Variants in NPL observed in about 807,000 individuals in gnomAD.
NPL encodes the protein N-acetylneuraminate lyase.
NPL carries 32 observed loss-of-function variants against 41.1 expected under a neutral mutation model. The ratio of observed to expected loss-of-function variants is 0.78; its 90% CI spans 0.59 to 1.05. NPL has a LOEUF of 1.05. NPL is among the 50% of genes least tolerant of loss of function. The pLI is 0.00. For synonymous variants in NPL, 128 were observed against 134.9 expected (o/e 0.95, Z 0.35); for missense variants, 321 against 378.4 (o/e 0.85, Z 1.26).
Position 182,799,777 on chromosome 1 carries a change from C to T in NPL, c.69-3921C>T, listed in dbSNP as rs1407972757. On this transcript the variant is annotated intron_variant, in intron 3 of 12. Coordinates refer to ENST00000367553, the MANE Select transcript of NPL (RefSeq NM_030769.3). ...AAGCCCCAAGGCATGAATCTAAACC[C>T]AACGCAAAGAATCTGAATCCCCAGG... Among the ~76,000 whole-genome samples the T allele has an allele frequency of 3.4e-5, 5 of 148,918 alleles. No individual in the cohort carries two copies. In the South Asian group the frequency reaches 6.4e-4, roughly 19 times the overall value.
chr1:182,802,281 C>G (rs1358030104), intron 3 of NPL, among the ~76,000 whole-genome samples: 1 of 152,234 alleles, frequency 6.6e-6, no homozygotes, highest in Non-Finnish European at 1.5e-5. Context: ...CACCTTTTCC[C>G]AAGTGGCAGG....
chr1:182,802,952 G>T (rs545830524), intron 3 of NPL, among the ~76,000 whole-genome samples: 1 of 152,332 alleles, frequency 6.6e-6, no homozygotes, highest in East Asian at 1.9e-4. Flanking sequence ...TGATGCTGCT[G>T]TTCCGCCTTT....
chr1:182,812,475 T>C (rs752696550), intron 6 of NPL, among the ~76,000 whole-genome samples: 3 of 152,132 alleles, frequency 2.0e-5, no homozygotes, highest in Non-Finnish European at 4.4e-5. Context: ...TAGCTGAGTT[T>C]GCAGGTAAGG....
intron 4 of NPL, among the ~76,000 whole-genome samples, chr1:182,805,874 G>A (rs1410394057): frequency 6.6e-6 from 1 of 152,144 alleles, no homozygotes; most frequent in African/African-American, 2.4e-5. Context: ...CGTAAAATGT[G>A]GGCAGTCATC....
At position 182,818,828 on chromosome 1, in the gene NPL, C is replaced by G; in HGVS notation, c.622C>G (p.Leu208Val). The G allele has an allele frequency of 6.2e-7, 1 of 1,614,040 alleles. No individual in the cohort carries two copies. The highest frequency in any genetic ancestry group is 8.5e-7 in the Non-Finnish European group (1 of 1,179,936). ...TTCTGATTAGCAACTGTTGAGTGCT[C>G]TGGTGATGGGAGCAACTGGAGCAGT... ...FGVDEQLLSA[L>V]VMGATGAVGS... Residue 208 changes from leucine (L) to valine (V), a missense_variant, in exon 10 of 13, where the codon CTG becomes GTG. Physicochemically the swap from Leu to Val is conservative, Grantham distance 32. Coordinates refer to ENST00000367553, the MANE Select transcript of NPL (RefSeq NM_030769.3).
At chr1:182,827,514 A>G (rs950332545) in intron 12 of NPL, among the ~76,000 whole-genome samples, 2 of 152,224 alleles carry the variant, frequency 1.3e-5, no homozygotes, top group Admixed American at 6.5e-5. Context: ...AACATTTAAC[A>G]TATCTTTCTA....
At chr1:182,812,986 C>T (rs1483669582) in intron 6 of NPL, among the ~76,000 whole-genome samples, 1 of 151,972 alleles carries the variant, frequency 6.6e-6, no homozygotes, top group African/African-American at 2.4e-5. Flanking sequence ...AACCTTGTCT[C>T]TACTAAAAAT....
chr1:182,806,040 C>A, intron 4 of NPL, 105 bp from the exon 5 acceptor site: 3 of 1,344,964 alleles, frequency 2.2e-6, no homozygotes, highest in Non-Finnish European at 2.1e-6. Flanking sequence ...TTTTCCCCTC[C>A]TGACCATCCT....
At position 182,820,700 on chromosome 1, in the gene NPL, C is replaced by T. The variant is rs541261668; in HGVS notation, c.654-1415C>T. Among the ~76,000 whole-genome samples the T allele has an allele frequency of 5.3e-5, 8 of 152,226 alleles. No individual in the cohort carries two copies. The East Asian group carries it at 1.2e-3, about 22-fold the overall frequency. On this transcript the variant is annotated intron_variant, in intron 10 of 12. Coordinates refer to ENST00000367553, the MANE Select transcript of NPL (RefSeq NM_030769.3). ...GAGGGAGAGGAAGTGAGGTGCCACACGCTTTTAAATAACTGGATCTCACGA... is the reference window on the plus strand; with the variant it reads ...GAGGGAGAGGAAGTGAGGTGCCACATGCTTTTAAATAACTGGATCTCACGA...
intron 11 of NPL, 113 bp downstream of exon 11, chr1:182,822,312 T>G (rs1479322611): frequency 1.4e-6 from 1 of 736,388 alleles, no homozygotes; most frequent in Non-Finnish European, 2.4e-6. Flanking sequence ...AGCCACTTCT[T>G]TCTTTACCTT....
At chr1:182,808,344 A>G (rs1667082016) in intron 5 of NPL, among the ~76,000 whole-genome samples, 1 of 152,226 alleles carries the variant, frequency 6.6e-6, no homozygotes, top group Non-Finnish European at 1.5e-5. Context: ...AAGACTGAGA[A>G]GACCACTAGG....
rs2102575138 is a variant in NPL at position 182,829,316 on chromosome 1, A to G, written c.*408A>G. ...TTTAATAAATATTCATTTGGAATCTAGGAAAACTCTGAGCTACTGCATTTA... is the reference window on the plus strand; with the variant it reads ...TTTAATAAATATTCATTTGGAATCTGGGAAAACTCTGAGCTACTGCATTTA... On this transcript the variant is annotated 3_prime_UTR_variant, in exon 13 of 13. Transcript: ENST00000367553. The G allele has an allele frequency of 3.3e-6, 4 of 1,207,852 alleles. No homozygotes were observed. In the South Asian group the frequency reaches 9.3e-5, roughly 28 times the overall value. The allele number at this position is 1,207,852 out of a possible 1,614,324, so 74.8% of individuals were successfully genotyped here.
chr1:182,805,558 T>C (rs186260768), intron 4 of NPL, among the ~76,000 whole-genome samples: 2 of 152,388 alleles, frequency 1.3e-5, no homozygotes, highest in East Asian at 3.9e-4. Context: ...TCTTTTTATC[T>C]GTAAATGAGA....
chr1:182,814,891 A>G, intron 7 of NPL, 33 bp downstream of exon 7: 2 of 1,499,408 alleles, frequency 1.3e-6, no homozygotes, highest in South Asian at 1.1e-5. Flanking sequence ...ATGGCATCTC[A>G]CATGGTCCAC....
intron 5 of NPL, 154 bp downstream of exon 5, chr1:182,806,386 T>C: frequency 6.5e-7 from 1 of 1,545,154 alleles, no homozygotes; most frequent in Non-Finnish European, 8.7e-7. Context: ...GATCCTGGCT[T>C]CTTGGAGAAG....
intron 10 of NPL, among the ~76,000 whole-genome samples, chr1:182,821,881 T>C (rs1259019012): frequency 6.6e-6 from 1 of 152,226 alleles, no homozygotes; most frequent in Non-Finnish European, 1.5e-5. Flanking sequence ...TTATCTTTTT[T>C]CTGATTTTCT....
chr1:182,791,561 A>C (rs1174082950), intron 1 of NPL, among the ~76,000 whole-genome samples: 1 of 152,274 alleles, frequency 6.6e-6, no homozygotes. Context: ...AGGGATTAGG[A>C]CAGTGATTCC....
chr1:182,816,308 C>T (rs1234326658), intron 7 of NPL, among the ~76,000 whole-genome samples: 1 of 152,196 alleles, frequency 6.6e-6, no homozygotes, highest in African/African-American at 2.4e-5. Flanking sequence ...CTTTTTGTTA[C>T]AGGATTTTCT....
At chr1:182,803,874 A>G (rs1666927482) in intron 4 of NPL, 103 bp downstream of exon 4, 3 of 871,954 alleles carry the variant, frequency 3.4e-6, no homozygotes, top group Non-Finnish European at 5.9e-6. Context: ...ATGGTGTCAC[A>G]GGTTATGATG....
Sources: allele counts gnomAD v4.1 joint callset (sites outside exome capture counted in the v4.1 genomes callset), GRCh38; gene constraint gnomAD v4.1.1; transcripts MANE v1.5; gene names NCBI Gene and HGNC (gene_info 2026-07-23, HGNC 2026-07-21).